The following DNM3 variants were observed in gnomAD, a reference collection of about 807,000 sequenced individuals.
DNM3 encodes dynamin 3, also known as dynamin-3.
In DNM3, 47 loss-of-function variants were observed where a neutral mutation model predicts 101.6. That is an observed-to-expected ratio of 0.46 (90% CI 0.37 to 0.59). The LOEUF (loss-of-function observed/expected upper bound fraction) is 0.59, where lower values mean the gene tolerates loss of function less well. Ranked by LOEUF, DNM3 falls within the 20% of genes least tolerant of loss-of-function variation. DNM3 has a pLI of 0.00. For missense variants in DNM3, 849 were observed against 1,085.7 expected (o/e 0.78, Z 3.06); for synonymous variants, 385 against 387.9 (o/e 0.99, Z 0.09).
At chr1:172,156,226 T>A (rs2058332197) in intron 14 of DNM3, among the ~76,000 whole-genome samples, 1 of 152,094 alleles carries the variant, frequency 6.6e-6, no homozygotes, top group African/African-American at 2.4e-5. Context: ...AGAACTGCTG[T>A]TGGCTGTAAA....
At chr1:172,058,746 A>G (rs1028747164) in intron 10 of DNM3, among the ~76,000 whole-genome samples, 5 of 151,598 alleles carry the variant, frequency 3.3e-5, no homozygotes, top group Admixed American at 6.6e-5. Flanking sequence ...GAAAGCAGGA[A>G]AGATCCAAAA....
At chr1:172,191,828 G>A (rs1257404813) in intron 14 of DNM3, among the ~76,000 whole-genome samples, 1 of 152,086 alleles carries the variant, frequency 6.6e-6, no homozygotes. Context: ...GTCTGTTATT[G>A]GTGTATAGGA....
chr1:171,952,709 G>T (rs1350539073), intron 2 of DNM3, among the ~76,000 whole-genome samples: 1 of 152,110 alleles, frequency 6.6e-6, no homozygotes, highest in Non-Finnish European at 1.5e-5. Context: ...TATTATAAAT[G>T]GAAAGACTAG....
chr1:172,111,602 T>G (rs1278087473), intron 13 of DNM3, among the ~76,000 whole-genome samples: 1 of 152,216 alleles, frequency 6.6e-6, no homozygotes, highest in Non-Finnish European at 1.5e-5. Context: ...AGAACTGACC[T>G]AAAAGCCCAG....
At chr1:171,969,473 G>A (rs1432358451) in intron 2 of DNM3, among the ~76,000 whole-genome samples, 2 of 152,194 alleles carry the variant, frequency 1.3e-5, no homozygotes, top group Non-Finnish European at 1.5e-5. Flanking sequence ...TATGCAGATA[G>A]CATCTCCCAG....
intron 17 of DNM3, among the ~76,000 whole-genome samples, chr1:172,333,481 C>G (rs2066280986): frequency 6.6e-6 from 1 of 152,062 alleles, no homozygotes; most frequent in Non-Finnish European, 1.5e-5. Flanking sequence ...AGAACAAAAC[C>G]CAAAATAAGT....
chr1:172,323,299 T>G (rs539272894), intron 16 of DNM3, 30 bp from the exon 17 acceptor site: 4 of 1,580,514 alleles, frequency 2.5e-6, no homozygotes, highest in Non-Finnish European at 3.4e-6. Flanking sequence ...AACATATTTC[T>G]CTTTCTTTTC....
At chr1:172,024,444 A>C (rs2048055038) in intron 4 of DNM3, among the ~76,000 whole-genome samples, 2 of 152,226 alleles carry the variant, frequency 1.3e-5, no homozygotes, top group South Asian at 4.1e-4. Context: ...TATAATGACC[A>C]AATGTGGTTT....
chr1:172,260,044 T>A (rs1371250263), intron 15 of DNM3, among the ~76,000 whole-genome samples: 1 of 152,160 alleles, frequency 6.6e-6, no homozygotes, highest in Non-Finnish European at 1.5e-5. Flanking sequence ...CTTTTGCTCA[T>A]CTGTGAAAGA....
chr1:172,230,894 T>C (rs188677992), intron 14 of DNM3, among the ~76,000 whole-genome samples: 1 of 152,184 alleles, frequency 6.6e-6, no homozygotes, highest in East Asian at 1.9e-4. Context: ...CCCATTCTAC[T>C]TACTTAGTCC....
chr1:172,347,687 G>C (rs2067008522), intron 17 of DNM3, among the ~76,000 whole-genome samples: 1 of 152,188 alleles, frequency 6.6e-6, no homozygotes, highest in Non-Finnish European at 1.5e-5. Context: ...GATTGTGTTA[G>C]ATGAGTTCTA....
intron 16 of DNM3, among the ~76,000 whole-genome samples, chr1:172,311,481 A>G (rs1247434833): frequency 2.0e-5 from 3 of 152,186 alleles, no homozygotes; most frequent in Non-Finnish European, 2.9e-5. Context: ...GGTGGCACAC[A>G]CCTGTGATCC....
intron 2 of DNM3, among the ~76,000 whole-genome samples, chr1:171,981,397 T>C (rs1039009641): frequency 6.6e-6 from 1 of 152,260 alleles, no homozygotes; most frequent in African/African-American, 2.4e-5. Flanking sequence ...AATTCCTTTC[T>C]ACTTAACCTT....
intron 13 of DNM3, among the ~76,000 whole-genome samples, chr1:172,113,057 T>TTATTTACTGAATGTGGGG (rs1450974001): frequency 1.3e-5 from 2 of 152,234 alleles, no homozygotes; most frequent in African/African-American, 4.8e-5. Context: ...AATGCCTTAT[T>TTATTTACTGAATGTGGGG]TATTTACTGA....
intron 15 of DNM3, among the ~76,000 whole-genome samples, chr1:172,256,059 G>A (rs1455416240): frequency 1.3e-5 from 2 of 152,014 alleles, no homozygotes; most frequent in Non-Finnish European, 2.9e-5. Context: ...TGTCTCCTGG[G>A]ATTAAATTTA....
chr1:172,029,927 A>T (rs970242332), intron 4 of DNM3, among the ~76,000 whole-genome samples: 14 of 152,204 alleles, frequency 9.2e-5, no homozygotes. Flanking sequence ...AAATGGAAAA[A>T]CATTCCATGC....
chr1:172,278,559 A>G (rs532710483), intron 15 of DNM3, among the ~76,000 whole-genome samples: 5 of 152,276 alleles, frequency 3.3e-5, no homozygotes, highest in Admixed American at 2.6e-4. Flanking sequence ...AAATGTAGTC[A>G]CCTTCAGGGA....
At chr1:172,384,567 T>C (rs1328583510) in intron 18 of DNM3, among the ~76,000 whole-genome samples, 1 of 152,238 alleles carries the variant, frequency 6.6e-6, no homozygotes, top group African/African-American at 2.4e-5. Flanking sequence ...ATGCTCTGAA[T>C]CCACTGTATT....
chr1:172,416,287 G>A (rs777501823), downstream of DNM3, among the ~76,000 whole-genome samples: 3 of 152,092 alleles, frequency 2.0e-5, no homozygotes, highest in Non-Finnish European at 4.4e-5. Context: ...TTGCCTTTAA[G>A]CATTTCGGCA....
Sources: gnomAD v4.1 joint callset for allele counts (sites outside exome capture counted in the v4.1 genomes callset) on GRCh38, gnomAD v4.1.1 for gene constraint, MANE v1.5 for transcripts, NCBI Gene and HGNC (gene_info 2026-07-23, HGNC 2026-07-21) for gene names.